ATP8A1: variants seen among roughly 807,000 people sequenced by gnomAD.
ATP8A1 encodes ATPase phospholipid transporting 8A1, also known as phospholipid-transporting ATPase IA.
In ATP8A1, 90 loss-of-function variants were observed where a neutral mutation model predicts 177.7. The observed-to-expected ratio is 0.51, with a 90% CI of 0.43 to 0.60. The LOEUF (loss-of-function observed/expected upper bound fraction) is 0.60, where lower values mean the gene tolerates loss of function less well. Among genes scored for constraint, ATP8A1 ranks in the 20% least tolerant of loss-of-function variants. ATP8A1 has a pLI of 0.00. For missense variants in ATP8A1, 1,072 were observed against 1,392.8 expected (o/e 0.77, Z 3.67); for synonymous variants, 493 against 485.9 (o/e 1.01, Z -0.19).
At chr4:42,549,808 T>A (rs931995141) in intron 18 of ATP8A1, among the ~76,000 whole-genome samples, 1 of 151,880 alleles carries the variant, frequency 6.6e-6, no homozygotes, top group Non-Finnish European at 1.5e-5. Context: ...CTAAAAAAAA[T>A]AATTGGTGTT....
chr4:42,467,265 AG>A (rs2153183909), intron 25 of ATP8A1, among the ~76,000 whole-genome samples: 2 of 152,322 alleles, frequency 1.3e-5, no homozygotes, highest in South Asian at 4.1e-4. Context: ...TGGTTAAATG[AG>A]GTGTTAAAGA....
At chr4:42,610,476 T>C (rs1402463791) in intron 5 of ATP8A1, among the ~76,000 whole-genome samples, 1 of 151,392 alleles carries the variant, frequency 6.6e-6, no homozygotes, top group Non-Finnish European at 1.5e-5. Flanking sequence ...AGTATGCACA[T>C]ACACGAATAA....
Position 42,506,893 on chromosome 4 carries a change from T to C in ATP8A1, c.2086+123A>G, listed in dbSNP as rs182077256. 8 of 1,185,748 alleles carry C rather than the reference T, an allele frequency of 6.7e-6. 1 individual carries two copies. The Admixed American group carries it at 7.0e-5, about 10-fold the overall frequency. The allele number at this position is 1,185,748 out of a possible 1,614,324, so 73.5% of individuals were successfully genotyped here. On this transcript the variant is annotated intron_variant, in intron 23 of 36. Coordinates refer to ENST00000381668, the MANE Select transcript of ATP8A1 (RefSeq NM_006095.2). ...GCAGAGATGCAATGGTGAAAAAAGATTGGAATATTCCAATCTTGACATATC... is the reference window on the plus strand; with the variant it reads ...GCAGAGATGCAATGGTGAAAAAAGACTGGAATATTCCAATCTTGACATATC...
chr4:42,590,329 C>A (rs971018464), intron 7 of ATP8A1, among the ~76,000 whole-genome samples: 1 of 152,046 alleles, frequency 6.6e-6, no homozygotes, highest in Non-Finnish European at 1.5e-5. Flanking sequence ...CCTATGAGCC[C>A]AAATTATAGT....
intron 36 of ATP8A1, among the ~76,000 whole-genome samples, chr4:42,413,409 A>G (rs996508117): frequency 6.6e-6 from 1 of 152,184 alleles, no homozygotes. Flanking sequence ...GAAAAGTGAT[A>G]TGTAGGTGAG....
At chr4:42,468,493 C>A (rs998796333) in intron 25 of ATP8A1, among the ~76,000 whole-genome samples, 41 of 151,908 alleles carry the variant, frequency 2.7e-4, no homozygotes, top group African/African-American at 9.2e-4. Flanking sequence ...TGGAATACTA[C>A]TCAACCATAA....
intron 24 of ATP8A1, among the ~76,000 whole-genome samples, chr4:42,490,530 T>C (rs1054437227): frequency 1.3e-5 from 2 of 152,162 alleles, no homozygotes; most frequent in Non-Finnish European, 2.9e-5. Flanking sequence ...ACTGAGAACA[T>C]TTATACATTT....
chr4:42,644,869 C>T (rs1740372517), intron 1 of ATP8A1, among the ~76,000 whole-genome samples: 1 of 151,732 alleles, frequency 6.6e-6, no homozygotes, highest in Non-Finnish European at 1.5e-5. Context: ...TAAATCTAGA[C>T]TGACGAAAAT....
intron 1 of ATP8A1, among the ~76,000 whole-genome samples, chr4:42,643,429 C>G (rs1740207475): frequency 1.3e-5 from 2 of 152,168 alleles, no homozygotes; most frequent in South Asian, 2.1e-4. Context: ...CCAGTGTTTT[C>G]TATTTCGGTA....
chr4:42,515,316 A>C (rs1395790063), intron 22 of ATP8A1, among the ~76,000 whole-genome samples: 1 of 152,238 alleles, frequency 6.6e-6, no homozygotes, highest in Non-Finnish European at 1.5e-5. Flanking sequence ...GCAGCTACTA[A>C]GAATAGATGT....
intron 1 of ATP8A1, among the ~76,000 whole-genome samples, chr4:42,650,972 A>C (rs549059233): frequency 6.6e-6 from 1 of 152,316 alleles, no homozygotes; most frequent in East Asian, 1.9e-4. Flanking sequence ...CACAATTCTC[A>C]CATGTCGTAG....
chr4:42,479,130 T>C (rs1201715224), intron 25 of ATP8A1, among the ~76,000 whole-genome samples: 4 of 152,210 alleles, frequency 2.6e-5, no homozygotes, highest in Non-Finnish European at 5.9e-5. Flanking sequence ...CAGGGCTAAA[T>C]TTAAGCAGCA....
At chr4:42,474,940 C>T (rs1228871789) in intron 25 of ATP8A1, among the ~76,000 whole-genome samples, 2 of 151,516 alleles carry the variant, frequency 1.3e-5, no homozygotes, top group Non-Finnish European at 2.9e-5. Flanking sequence ...TAGATGGAAA[C>T]CAAAATAAAT....
intron 33 of ATP8A1, among the ~76,000 whole-genome samples, chr4:42,438,166 CAG>C (rs1414618462): frequency 6.6e-6 from 1 of 152,158 alleles, no homozygotes; most frequent in Non-Finnish European, 1.5e-5. Flanking sequence ...CACGGTGCAT[CAG>C]GGGACAGAAT....
At chr4:42,423,295 A>C (rs1714204230) in intron 34 of ATP8A1, among the ~76,000 whole-genome samples, 1 of 152,124 alleles carries the variant, frequency 6.6e-6, no homozygotes, top group Non-Finnish European at 1.5e-5. Flanking sequence ...TTTATAATAA[A>C]AAATGTTTTT....
At chr4:42,551,076 A>C in intron 18 of ATP8A1, 122 bp downstream of exon 18, 1 of 734,856 alleles carries the variant, frequency 1.4e-6, no homozygotes, top group Non-Finnish European at 2.4e-6. Flanking sequence ...AAGAACACCC[A>C]GTAGTTGCTT....
rs1309002478 is a variant in ATP8A1, at chr4:42,485,512, C to G, written c.2308G>C (p.Ala770Pro). The change falls in exon 25 of 37, where the codon GCT becomes CCT. Residue 770 changes from alanine (A) to proline (P), a missense_variant. Physicochemically the swap from Ala to Pro is conservative, Grantham distance 27. This residue lies in a region of ATP8A1 where 388 missense variants were observed against 471.7 expected (regional missense o/e 0.82). Transcript: ENST00000381668. ...AGAACTTACCGACAGCAAATGACAG[C>G]TTTGCATGACAAAGCTAAGTCCAGG... ...YFLDLALSCK[A>P]VICCRVSPLQ... The G allele has an allele frequency of 6.2e-7, 1 of 1,611,198 alleles. No individual in the cohort carries two copies. Among genetic ancestry groups the G allele is most frequent in the Non-Finnish European group, 8.5e-7 (1 of 1,178,984 alleles).
At chr4:42,569,819 C>T (rs981075678) in intron 14 of ATP8A1, among the ~76,000 whole-genome samples, 2 of 152,240 alleles carry the variant, frequency 1.3e-5, no homozygotes, top group East Asian at 3.9e-4. Context: ...GAAACATATT[C>T]ATTAATATCT....
chr4:42,650,980 T>C (rs1741032637), intron 1 of ATP8A1, among the ~76,000 whole-genome samples: 1 of 152,202 alleles, frequency 6.6e-6, no homozygotes, highest in Admixed American at 6.5e-5. Flanking sequence ...TCACATGTCG[T>C]AGAGGAACCC....
Sources: allele counts gnomAD v4.1 joint callset (sites outside exome capture counted in the v4.1 genomes callset), GRCh38; gene constraint gnomAD v4.1.1; regional missense constraint gnomAD v4.1.1; transcripts MANE v1.5; gene names NCBI Gene and HGNC (gene_info 2026-07-23, HGNC 2026-07-21).